Variants in GNA14 observed in about 807,000 individuals in gnomAD.
The protein encoded by GNA14 is guanine nucleotide-binding protein subunit alpha-14.
A neutral mutation model predicts 42.0 loss-of-function variants in GNA14; 50 were observed. That is an observed-to-expected ratio of 1.19 (90% CI 0.95 to 1.51). GNA14 has a LOEUF of 1.51. Ranked by LOEUF, GNA14 falls within the 40% of genes most tolerant of loss-of-function variation. The probability of loss-of-function intolerance (pLI) is 0.00; values close to 1 mark genes in which losing one functional copy is unlikely to be tolerated. For missense variants in GNA14, 473 were observed against 446.2 expected, an observed-to-expected ratio of 1.06 and a Z score of -0.54; for synonymous variants, 173 against 163.1, an observed-to-expected ratio of 1.06 and a Z score of -0.46.
chr9:77,589,518 C>A (rs898417586), intron 1 of GNA14, among the ~76,000 whole-genome samples: 2 of 152,120 alleles, frequency 1.3e-5, no homozygotes, highest in Non-Finnish European at 2.9e-5. Flanking sequence ...TTCTCAAAAG[C>A]CATCGTATGA....
At chr9:77,500,262 C>T (rs1394862334) in intron 2 of GNA14, among the ~76,000 whole-genome samples, 1 of 152,178 alleles carries the variant, frequency 6.6e-6, no homozygotes, top group Admixed American at 6.5e-5. Flanking sequence ...AGGGGATCCA[C>T]CTGCCTCAGC....
chr9:77,647,782 G>A lies in GNA14; in HGVS notation c.12C>T (p.Cys4=). The part of the protein sequence containing the change: MAG[C]CCLSAEEKES... The stretch of plus-strand genomic sequence containing the variant: ...CCTTCTCCTCCGCGGACAGGCAGCA[G>A]CAGCCGGCCATGGTGCGCTCAGCTC... Residue 4 remains cysteine (C), a synonymous_variant, in exon 1 of 7, where the codon TGC becomes TGT. Transcript: ENST00000341700. 6.2e-7 allele frequency: 1 copy of A among 1,609,076 alleles called. No homozygotes were observed. Among genetic ancestry groups the A allele is most frequent in the Non-Finnish European group, 8.5e-7 (1 of 1,178,728 alleles).
chr9:77,490,728 C>T (rs755486321), intron 2 of GNA14, among the ~76,000 whole-genome samples: 2 of 152,226 alleles, frequency 1.3e-5, no homozygotes, highest in South Asian at 2.1e-4. Context: ...GGCCTGCAAG[C>T]GCCTCACACA....
chr9:77,628,631 A>G (rs1824048677), intron 1 of GNA14, among the ~76,000 whole-genome samples: 1 of 152,192 alleles, frequency 6.6e-6, no homozygotes, highest in Non-Finnish European at 1.5e-5. Context: ...AAAACAAGCA[A>G]TGGGGAAAGA....
Position 77,479,657 on chromosome 9 carries a change from C to T in GNA14, c.310-45135G>A, listed in dbSNP as rs142468842. Among the ~76,000 whole-genome samples the T allele has an allele frequency of 2.2e-3, 339 of 152,266 alleles. 1 individual carries two copies. Among genetic ancestry groups the T allele is most frequent in the African/African-American group, 7.7e-3 (320 of 41,550 alleles). On this transcript the variant is annotated intron_variant, in intron 2 of 6. Transcript: ENST00000341700. The stretch of plus-strand genomic sequence containing the variant: ...ACCTTGGGCAGTATGGCCATTTTCA[C>T]GACACTGATTCTTCCTACTCATGAA...
At chr9:77,450,193 G>A (rs1239127437) in intron 2 of GNA14, among the ~76,000 whole-genome samples, 1 of 152,154 alleles carries the variant, frequency 6.6e-6, no homozygotes, top group Non-Finnish European at 1.5e-5. Flanking sequence ...CATGGTCATG[G>A]TCTTGACTCT....
intron 1 of GNA14, among the ~76,000 whole-genome samples, chr9:77,615,470 G>A (rs28690293): frequency 0.2 from 31,126 of 151,938 alleles, 5,590 homozygotes; most frequent in African/African-American, 0.49. Flanking sequence ...GACTGCAGGA[G>A]ACAGCACTTT....
intron 1 of GNA14, among the ~76,000 whole-genome samples, chr9:77,573,777 A>G (rs932632554): frequency 2.0e-5 from 3 of 152,124 alleles, no homozygotes; most frequent in Admixed American, 6.6e-5. Flanking sequence ...TTGTTTTTAT[A>G]ACTTCTGTCT....
At chr9:77,602,154 G>T (rs1249950313) in intron 1 of GNA14, among the ~76,000 whole-genome samples, 2 of 152,278 alleles carry the variant, frequency 1.3e-5, no homozygotes, top group African/African-American at 4.8e-5. Flanking sequence ...TTGCCAGAAT[G>T]AATAAATGAG....
chr9:77,536,610 C>T (rs887060943), intron 1 of GNA14, among the ~76,000 whole-genome samples: 3 of 152,204 alleles, frequency 2.0e-5, no homozygotes, highest in African/African-American at 7.2e-5. Context: ...CTTGACCTCC[C>T]AAAGTGCTGG....
intron 1 of GNA14, among the ~76,000 whole-genome samples, chr9:77,606,891 G>A (rs1172989854): frequency 6.6e-6 from 1 of 152,036 alleles, no homozygotes; most frequent in Non-Finnish European, 1.5e-5. Flanking sequence ...CGCCAGGTTG[G>A]GATTTATCTT....
intron 2 of GNA14, among the ~76,000 whole-genome samples, chr9:77,477,973 T>C (rs998166642): frequency 6.7e-6 from 1 of 149,758 alleles, no homozygotes; most frequent in Non-Finnish European, 1.5e-5. Context: ...AGCGATCTGA[T>C]GGGAGTTTAG....
rs542153031 is a variant in GNA14, at chr9:77,618,929, G to A, written c.124+28741C>T. Reference sequence around the variant, plus strand: ...ATTACAGGCGTGAGCCACCGCGCCCGGCCTTGAATATATTTAAATAATATA... The same window carrying A: ...ATTACAGGCGTGAGCCACCGCGCCCAGCCTTGAATATATTTAAATAATATA... On this transcript the variant is annotated intron_variant, in intron 1 of 6. Transcript: ENST00000341700. Among the ~76,000 whole-genome samples the A allele has an allele frequency of 2.0e-5, 3 of 151,670 alleles. No homozygotes were observed. The East Asian group carries it at 5.8e-4, about 30-fold the overall frequency.
At chr9:77,540,667 ATATATT>A (rs1216699785) in intron 1 of GNA14, among the ~76,000 whole-genome samples, 1 of 152,004 alleles carries the variant, frequency 6.6e-6, no homozygotes, top group Non-Finnish European at 1.5e-5. Flanking sequence ...TTGGGAGCAT[ATATATT>A]TAAAGTTGTT....
At chr9:77,495,120 A>C (rs889129663) in intron 2 of GNA14, among the ~76,000 whole-genome samples, 3 of 152,144 alleles carry the variant, frequency 2.0e-5, no homozygotes, top group Non-Finnish European at 2.9e-5. Flanking sequence ...TGAATATTGG[A>C]AACTCTTGCA....
At chr9:77,445,562 A>G (rs1298984537) in intron 2 of GNA14, among the ~76,000 whole-genome samples, 1 of 149,458 alleles carries the variant, frequency 6.7e-6, no homozygotes, top group African/African-American at 2.5e-5. Flanking sequence ...GAAAAAAAAA[A>G]AAAAAAAAAA....
chr9:77,507,112 T>TA (rs1837084177), intron 2 of GNA14, among the ~76,000 whole-genome samples: 1 of 152,212 alleles, frequency 6.6e-6, no homozygotes, highest in Non-Finnish European at 1.5e-5. Context: ...ACACAGCTAG[T>TA]AAGTCTTCAG....
chr9:77,521,454 G>GA (rs1253977475), intron 2 of GNA14, among the ~76,000 whole-genome samples: 1 of 152,066 alleles, frequency 6.6e-6, no homozygotes, highest in African/African-American at 2.4e-5. Context: ...TCCCAGCCCC[G>GA]AAAAACTCTC....
At chr9:77,547,248 C>A (rs1225378030) in intron 1 of GNA14, among the ~76,000 whole-genome samples, 1 of 152,174 alleles carries the variant, frequency 6.6e-6, no homozygotes, top group African/African-American at 2.4e-5. Context: ...AAGGTCATTT[C>A]AACTAAAATG....
Sources: gnomAD v4.1 joint callset for allele counts (sites outside exome capture counted in the v4.1 genomes callset) on GRCh38, gnomAD v4.1.1 for gene constraint, MANE v1.5 for transcripts, NCBI Gene and HGNC (gene_info 2026-07-23, HGNC 2026-07-21) for gene names.